Variants in SSH2 observed in about 807,000 individuals in gnomAD.
SSH2 encodes protein phosphatase Slingshot homolog 2.
In SSH2, 37 loss-of-function variants were observed where a neutral mutation model predicts 135.2. That is an observed-to-expected ratio of 0.27 (90% CI 0.21 to 0.36). SSH2 has a LOEUF of 0.36. SSH2 is among the 10% of genes least tolerant of loss of function. SSH2 has a pLI of 1.00. For synonymous variants in SSH2, 628 were observed against 646.2 expected, an observed-to-expected ratio of 0.97 and a Z score of 0.43; for missense variants, 1,408 against 1,765.3, an observed-to-expected ratio of 0.80 and a Z score of 3.63.
intron 3 of SSH2, among the ~76,000 whole-genome samples, chr17:29,761,758 A>C (rs896311675): frequency 5.3e-5 from 8 of 152,164 alleles, no homozygotes; most frequent in Non-Finnish European, 8.8e-5. Flanking sequence ...AAAAAATGTA[A>C]AGGCCATAAA....
rs2042226098 is a variant in SSH2 at position 29,800,228 on chromosome 17, C to CT, written c.145-6292dup. On this transcript the variant is annotated intron_variant, in intron 2 of 15. Coordinates refer to ENST00000540801, the MANE Select transcript of SSH2 (RefSeq NM_001282129.2). Reference sequence around the variant, plus strand: ...AAAAAAAACTTGAGGGAAAAAAAAACTAAGCATATCAAAGCATTGTAGGTC... The same window carrying CT: ...AAAAAAAACTTGAGGGAAAAAAAAACTTAAGCATATCAAAGCATTGTAGGTC... Among the ~76,000 whole-genome samples the CT allele has an allele frequency of 1.3e-5, 2 of 151,700 alleles. 1 individual carries two copies. Among genetic ancestry groups the CT allele is most frequent in the South Asian group, 4.2e-4 (2 of 4,810 alleles).
intron 2 of SSH2, among the ~76,000 whole-genome samples, chr17:29,821,926 G>A (rs1441781556): frequency 6.6e-6 from 1 of 152,106 alleles, no homozygotes; most frequent in Non-Finnish European, 1.5e-5. Flanking sequence ...TTACAGGCCC[G>A]AGCTGCCAAA....
intron 3 of SSH2, among the ~76,000 whole-genome samples, chr17:29,771,733 T>A (rs567142826): frequency 3.1e-4 from 47 of 152,310 alleles, no homozygotes; most frequent in African/African-American, 1.1e-3. Flanking sequence ...ACAGCAGGAT[T>A]GATTCAGCCC....
chr17:29,778,868 A>C (rs1226328454), intron 3 of SSH2, among the ~76,000 whole-genome samples: 1 of 140,042 alleles, frequency 7.1e-6, no homozygotes, highest in African/African-American at 2.7e-5. Flanking sequence ...AAAAAAAAGT[A>C]AGTCATGTAG....
At chr17:29,874,600 G>T (rs1163792659) in intron 1 of SSH2, among the ~76,000 whole-genome samples, 1 of 152,060 alleles carries the variant, frequency 6.6e-6, no homozygotes, top group Non-Finnish European at 1.5e-5. Context: ...TTGTAAAGAA[G>T]GTGCCTTGCT....
In SSH2 at chr17:29,835,327, C is replaced by T. The variant is rs1256918191; in HGVS notation, c.144+13522G>A. On this transcript the variant is annotated intron_variant, in intron 2 of 15. Transcript: ENST00000540801. ...GAAAACCCTAAAACAAAAACAACAA[C>T]AAAAAAAACTTAGCCAAAACGGCAT... Among the ~76,000 whole-genome samples the T allele has an allele frequency of 2.0e-5, 3 of 152,050 alleles. No homozygotes were observed. In the East Asian group the frequency reaches 5.8e-4, roughly 29 times the overall value.
intron 15 of SSH2, among the ~76,000 whole-genome samples, chr17:29,633,590 TG>T: frequency 6.6e-6 from 1 of 152,372 alleles, no homozygotes; most frequent in South Asian, 2.1e-4. Context: ...AAGTTTCACA[TG>T]GTTCCTTCTG....
At chr17:29,929,905 A>T in intron 1 of SSH2, 33 bp downstream of exon 1, 1 of 1,561,932 alleles carries the variant, frequency 6.4e-7, no homozygotes, top group Non-Finnish European at 8.7e-7. Context: ...GCAGTGACAG[A>T]AGCAAGCGGA....
rs188112992 is a variant in SSH2 at position 29,864,634 on chromosome 17, G to C, written c.64-15705C>G. Among the ~76,000 whole-genome samples the C allele has an allele frequency of 1.1e-3, 143 of 134,976 alleles. 2 individuals are homozygous for C. The Middle Eastern group carries it at 0.011, about 11-fold the overall frequency. 88.5% of individuals were successfully genotyped at this position (134,976 alleles called of 152,430 possible). A position where few individuals can be genotyped will look rare whatever the true frequency, so the allele number is the denominator to read the frequency against. The stretch of plus-strand genomic sequence containing the variant: ...TCACACCCTCACACAGAGATAATCT[G>C]AATACTTACTAAAAAAAAAAAAAAA... On this transcript the variant is annotated intron_variant, in intron 1 of 15. Coordinates refer to ENST00000540801, the MANE Select transcript of SSH2 (RefSeq NM_001282129.2).
chr17:29,644,517 T>G (rs1388520511), intron 14 of SSH2, among the ~76,000 whole-genome samples: 1 of 152,010 alleles, frequency 6.6e-6, no homozygotes, highest in Non-Finnish European at 1.5e-5. Context: ...TTTATAAAAC[T>G]CTCCTCAATG....
At chr17:29,872,126 A>C (rs2065947148) in intron 1 of SSH2, among the ~76,000 whole-genome samples, 1 of 152,174 alleles carries the variant, frequency 6.6e-6, no homozygotes, top group Admixed American at 6.5e-5. Context: ...AAAGTTATTA[A>C]AGGGTTAAAT....
chr17:29,682,748 T>C (rs2038038482), intron 6 of SSH2, among the ~76,000 whole-genome samples: 1 of 152,166 alleles, frequency 6.6e-6, no homozygotes, highest in Non-Finnish European at 1.5e-5. Context: ...CTAGAAAGAT[T>C]AAAAACCTAA....
chr17:29,657,443 G>T (rs1319298902), intron 11 of SSH2, among the ~76,000 whole-genome samples: 2 of 140,376 alleles, frequency 1.4e-5, no homozygotes, highest in African/African-American at 5.3e-5. Context: ...CTAATTTTTT[G>T]TATTTAGTAA....
chr17:29,755,992 G>A (rs1019993259), intron 3 of SSH2, among the ~76,000 whole-genome samples: 127 of 149,506 alleles, frequency 8.5e-4, no homozygotes, highest in Non-Finnish European at 1.3e-3. Flanking sequence ...GAGGCTGGGC[G>A]CGGTGGCTCA....
intron 2 of SSH2, among the ~76,000 whole-genome samples, chr17:29,828,256 C>T (rs2042780279): frequency 6.6e-6 from 1 of 152,304 alleles, no homozygotes; most frequent in East Asian, 1.9e-4. Flanking sequence ...TTTCGTAGCA[C>T]TTGGCAGCAA....
intron 3 of SSH2, chr17:29,776,342 G>A (rs945041613): frequency 6.6e-6 from 1 of 152,090 alleles, no homozygotes; most frequent in South Asian, 2.1e-4. Flanking sequence ...CCAACACACC[G>A]TCTTTAGCTC....
chr17:29,779,810 C>CAAAAAAAAAAAAAAAAAAAAAAAAAAA (rs56789691), intron 3 of SSH2, among the ~76,000 whole-genome samples: 1 of 19,608 alleles, frequency 5.1e-5, no homozygotes, highest in Non-Finnish European at 8.6e-5. Flanking sequence ...GACTCTGTCT[C>CAAAAAAAAAAAAAAAAAAAAAAAAAAA]AAAAAAAAAA....
At chr17:29,926,052 T>C (rs2067058869) in intron 1 of SSH2, among the ~76,000 whole-genome samples, 1 of 152,128 alleles carries the variant, frequency 6.6e-6, no homozygotes, top group Admixed American at 6.5e-5. Context: ...GATCCCTCCC[T>C]GCAAATCTAA....
At chr17:29,852,559 T>C (rs1404336287) in intron 1 of SSH2, among the ~76,000 whole-genome samples, 1 of 151,724 alleles carries the variant, frequency 6.6e-6, no homozygotes, top group African/African-American at 2.4e-5. Context: ...TGGTAATTTT[T>C]TTTTTTTTTT....
Sources: gnomAD v4.1 joint callset for allele counts (sites outside exome capture counted in the v4.1 genomes callset) on GRCh38, gnomAD v4.1.1 for gene constraint, MANE v1.5 for transcripts, NCBI Gene and HGNC (gene_info 2026-07-23, HGNC 2026-07-21) for gene names.